Variants in ITGAV observed in about 807,000 individuals in gnomAD.
ITGAV encodes integrin subunit alpha V, also known as integrin alpha-V.
ITGAV carries 76 observed loss-of-function variants against 143.8 expected under a neutral mutation model. That is an observed-to-expected ratio of 0.53 (90% confidence interval 0.44 to 0.64). The LOEUF (loss-of-function observed/expected upper bound fraction) is 0.64. Ranked by LOEUF, ITGAV falls within the 30% of genes least tolerant of loss-of-function variation. The probability of loss-of-function intolerance (pLI) is 0.00; values close to 1 mark genes in which losing one functional copy is unlikely to be tolerated. For synonymous variants in ITGAV, 453 were observed against 446.7 expected, an observed-to-expected ratio of 1.01 and a Z score of -0.18; for missense variants, 1,193 against 1,274.7, an observed-to-expected ratio of 0.94 and a Z score of 0.98.
At chr2:186,631,745 T>C (rs956646851) in intron 5 of ITGAV, among the ~76,000 whole-genome samples, 1 of 152,158 alleles carries the variant, frequency 6.6e-6, no homozygotes, top group African/African-American at 2.4e-5. Context: ...TTTTTAAAAA[T>C]TTGTAGGCTG....
At chr2:186,653,409 A>G (rs1159668292) in intron 15 of ITGAV, among the ~76,000 whole-genome samples, 1 of 152,144 alleles carries the variant, frequency 6.6e-6, no homozygotes, top group Admixed American at 6.5e-5. Context: ...CATGTTCCTT[A>G]CTTACACAGA....
intron 12 of ITGAV, among the ~76,000 whole-genome samples, chr2:186,643,130 A>G (rs780474931): frequency 6.6e-6 from 1 of 152,216 alleles, no homozygotes; most frequent in South Asian, 2.1e-4. Flanking sequence ...AAGCCTGGTC[A>G]TGTGTGATCT....
At chr2:186,641,663 TAG>T in intron 12 of ITGAV, 75 bp downstream of exon 12, 1 of 1,229,278 alleles carries the variant, frequency 8.1e-7, no homozygotes, top group Non-Finnish European at 1.2e-6. Flanking sequence ...AGTCCATCTG[TAG>T]AAGTCTACAC....
intron 5 of ITGAV, among the ~76,000 whole-genome samples, chr2:186,631,474 G>A (rs145742966): frequency 1.2e-3 from 183 of 152,158 alleles, no homozygotes; most frequent in African/African-American, 4.0e-3. Flanking sequence ...ATTTTCTGAA[G>A]TACTTTTCTT....
chr2:186,662,416 C>T (rs1263243198), intron 18 of ITGAV, among the ~76,000 whole-genome samples: 4 of 152,156 alleles, frequency 2.6e-5, no homozygotes, highest in African/African-American at 9.7e-5. Flanking sequence ...TAGCCACTTG[C>T]AAGCCTCATG....
intron 1 of ITGAV, among the ~76,000 whole-genome samples, chr2:186,597,453 A>C (rs907113635): frequency 2.0e-5 from 3 of 152,214 alleles, no homozygotes; most frequent in African/African-American, 4.8e-5. Flanking sequence ...ATTGAGACAT[A>C]GCTATTGAAT....
chr2:186,594,067 G>T (rs1323732851), intron 1 of ITGAV, among the ~76,000 whole-genome samples: 1 of 151,786 alleles, frequency 6.6e-6, no homozygotes, highest in Non-Finnish European at 1.5e-5. Context: ...GAAGCAGAAG[G>T]TCCTTCAATG....
In ITGAV at chr2:186,642,685, C is replaced by T. The variant is rs938543722; in HGVS notation, c.1159+1097C>T. On this transcript the variant is annotated intron_variant, in intron 12 of 29. Coordinates refer to ENST00000261023, the MANE Select transcript of ITGAV (RefSeq NM_002210.5). ...GAGTAGCTGGGACTACAGGCTCCCA[C>T]CACCTAGCCCAGCTTATTTTTTTTA... Among the ~76,000 whole-genome samples, 5 of 146,518 alleles carry T rather than the reference C, an allele frequency of 3.4e-5. No homozygotes were observed. In the Admixed American group the frequency reaches 3.4e-4, roughly 10 times the overall value.
At chr2:186,674,804 A>C (rs755360161) in intron 26 of ITGAV, among the ~76,000 whole-genome samples, 8 of 152,252 alleles carry the variant, frequency 5.3e-5, no homozygotes, top group Non-Finnish European at 1.0e-4. Flanking sequence ...GAGCCACTGC[A>C]CCTGGCCTTA....
At chr2:186,604,209 A>G (rs1686993593) in intron 2 of ITGAV, among the ~76,000 whole-genome samples, 1 of 152,092 alleles carries the variant, frequency 6.6e-6, no homozygotes, top group Admixed American at 6.5e-5. Flanking sequence ...TTATCCTTCT[A>G]GAATTTTCTT....
rs548123674 is a variant in ITGAV at position 186,645,387 on chromosome 2, A to T, written c.1160-1299A>T. ...GAGAGAATAGCAAATACAAGCCCAT[A>T]GTTGGAAGCTAGCTTGGTGTGTTTA... On this transcript the variant is annotated intron_variant, in intron 12 of 29. Transcript: ENST00000261023. Among the ~76,000 whole-genome samples, 3 of 151,966 alleles carry T rather than the reference A, an allele frequency of 2.0e-5. No individual in the cohort carries two copies. The South Asian group carries it at 6.3e-4, about 32-fold the overall frequency.
At chr2:186,636,347 T>C (rs536208489) in intron 7 of ITGAV, 140 bp downstream of exon 7, 10 of 654,132 alleles carry the variant, frequency 1.5e-5, no homozygotes, top group Non-Finnish European at 2.5e-5. Flanking sequence ...CAATTTCAAA[T>C]TGTTAATGAG....
At chr2:186,591,941 C>T (rs893546543) in intron 1 of ITGAV, among the ~76,000 whole-genome samples, 3 of 152,160 alleles carry the variant, frequency 2.0e-5, no homozygotes, top group African/African-American at 7.2e-5. Flanking sequence ...TTTTAGTCAG[C>T]ATTATCTTTT....
At chr2:186,608,573 G>C (rs1687129658) in intron 2 of ITGAV, among the ~76,000 whole-genome samples, 1 of 152,016 alleles carries the variant, frequency 6.6e-6, no homozygotes, top group Non-Finnish European at 1.5e-5. Context: ...GGTAGTCTTA[G>C]TGCACTGAGT....
intron 2 of ITGAV, among the ~76,000 whole-genome samples, chr2:186,604,207 C>T (rs1233543291): frequency 3.3e-5 from 5 of 151,952 alleles, no homozygotes; most frequent in African/African-American, 7.3e-5. Context: ...TTTTATCCTT[C>T]TAGAATTTTC....
At chr2:186,670,316 T>G (rs937654291) in intron 26 of ITGAV, among the ~76,000 whole-genome samples, 1 of 139,026 alleles carries the variant, frequency 7.2e-6, no homozygotes, top group South Asian at 2.4e-4. Context: ...TTGTTTGTTT[T>G]TTGACACAGA....
chr2:186,595,794 T>G (rs926611015), intron 1 of ITGAV, among the ~76,000 whole-genome samples: 1 of 152,024 alleles, frequency 6.6e-6, no homozygotes, highest in Admixed American at 6.5e-5. Flanking sequence ...GGAAATTAAG[T>G]CACTCAGCTT....
At chr2:186,640,541 A>G (rs925680385) in intron 10 of ITGAV, among the ~76,000 whole-genome samples, 3 of 152,206 alleles carry the variant, frequency 2.0e-5, no homozygotes, top group African/African-American at 7.2e-5. Context: ...GTCTGTGACT[A>G]TATATCTTTG....
rs572343632 is a variant in ITGAV, at chr2:186,602,189, AT to A, written c.316+41del. On this transcript the variant is annotated intron_variant, in intron 2 of 29. Transcript: ENST00000261023. Reference sequence around the variant, plus strand: ...GCACAATTTTCTTTTCATTGATTTCATTTGATTTTTTTTTTGCAATTGGTTT... The same window carrying A: ...GCACAATTTTCTTTTCATTGATTTCATTGATTTTTTTTTTGCAATTGGTTT... The A allele has an allele frequency of 8.1e-4, 1,278 of 1,582,352 alleles. 11 individuals carry two copies. The African/African-American group carries it at 0.016, about 20-fold the overall frequency.
Sources: allele counts gnomAD v4.1 joint callset (sites outside exome capture counted in the v4.1 genomes callset), GRCh38; gene constraint gnomAD v4.1.1; transcripts MANE v1.5; gene names NCBI Gene and HGNC (gene_info 2026-07-23, HGNC 2026-07-21).